MSH3: variants seen among roughly 807,000 people sequenced by gnomAD.
The protein encoded by MSH3 is mutS homolog 3.
In MSH3, 106 loss-of-function variants were observed where a neutral mutation model predicts 123.3. The observed-to-expected ratio is 0.86, with a 90% CI of 0.73 to 1.01. The LOEUF is 1.01. Among genes scored for constraint, MSH3 ranks in the 50% least tolerant of loss-of-function variants. The pLI is 0.00. For synonymous variants in MSH3, 515 were observed against 481.4 expected (o/e 1.07, Z -0.91); for missense variants, 1,459 against 1,347.6 (o/e 1.08, Z -1.29).
intron 22 of MSH3, among the ~76,000 whole-genome samples, chr5:80,870,044 C>T (rs2112124974): frequency 6.6e-6 from 1 of 151,276 alleles, no homozygotes; most frequent in South Asian, 2.1e-4. Context: ...CATGGTGGTG[C>T]ATACCTGTAA....
chr5:80,672,085 G>T (rs1034200064), intron 4 of MSH3, among the ~76,000 whole-genome samples, 159 bp from the exon 5 acceptor site: 2 of 152,030 alleles, frequency 1.3e-5, no homozygotes, highest in African/African-American at 4.8e-5. Context: ...TTCTATACAG[G>T]GAACATTTTT....
At chr5:80,703,047 C>A (rs915866472) in intron 8 of MSH3, among the ~76,000 whole-genome samples, 2 of 152,128 alleles carry the variant, frequency 1.3e-5, no homozygotes, top group Non-Finnish European at 2.9e-5. Context: ...TAATGAAGTT[C>A]TTATTATGTA....
chr5:80,759,253 T>C (rs1743988724), intron 12 of MSH3, among the ~76,000 whole-genome samples: 1 of 152,278 alleles, frequency 6.6e-6, no homozygotes, highest in Non-Finnish European at 1.5e-5. Flanking sequence ...AATACAATTA[T>C]GATTACCATT....
intron 19 of MSH3, among the ~76,000 whole-genome samples, chr5:80,795,670 A>G (rs1230865312): frequency 6.6e-6 from 1 of 152,206 alleles, no homozygotes; most frequent in African/African-American, 2.4e-5. Context: ...CAATGTCTAT[A>G]AACTTGTTCA....
At chr5:80,849,350 T>C (rs939308331) in intron 20 of MSH3, among the ~76,000 whole-genome samples, 5 of 152,172 alleles carry the variant, frequency 3.3e-5, no homozygotes, top group African/African-American at 4.8e-5. Flanking sequence ...TGTGGCCTTC[T>C]TCTCACAGTT....
intron 20 of MSH3, among the ~76,000 whole-genome samples, chr5:80,849,958 A>T (rs1745801314): frequency 6.6e-6 from 1 of 152,108 alleles, no homozygotes. Context: ...TCCATTATAA[A>T]ACTGAGTGCC....
chr5:80,689,996 C>T (rs550210053), intron 8 of MSH3, among the ~76,000 whole-genome samples: 4 of 152,088 alleles, frequency 2.6e-5, no homozygotes, highest in Non-Finnish European at 5.9e-5. Context: ...AAGAGATCCT[C>T]TCACTTCAGC....
intron 12 of MSH3, 99 bp downstream of exon 12, chr5:80,744,714 G>C (rs1046306410): frequency 4.8e-6 from 4 of 837,416 alleles, no homozygotes; most frequent in Non-Finnish European, 6.0e-6. Context: ...TAAGAACACA[G>C]TTTTAAATTG....
At chr5:80,784,124 C>T (rs370272376) in intron 17 of MSH3, among the ~76,000 whole-genome samples, 3 of 143,136 alleles carry the variant, frequency 2.1e-5, no homozygotes, top group African/African-American at 5.1e-5. Context: ...GCAGGAGAAT[C>T]GCTGGAATCT....
intron 22 of MSH3, among the ~76,000 whole-genome samples, chr5:80,869,841 T>TACATATATACATATATATACACAC (rs1554077179): frequency 3.0e-5 from 4 of 132,522 alleles, no homozygotes; most frequent in South Asian, 2.4e-4. Flanking sequence ...TACATATATA[T>TACATATATACATATATATACACAC]ACACACACAC....
intron 8 of MSH3, among the ~76,000 whole-genome samples, chr5:80,704,278 A>G (rs1434118516): frequency 6.6e-6 from 1 of 152,172 alleles, no homozygotes; most frequent in African/African-American, 2.4e-5. Context: ...CCAAAGAATG[A>G]CTTTTTTGAA....
intron 19 of MSH3, among the ~76,000 whole-genome samples, chr5:80,811,795 AAAG>A (rs142341091): frequency 0.13 from 20,512 of 152,080 alleles, 1,419 homozygotes; most frequent in East Asian, 0.24. Flanking sequence ...AAGAGATTAA[AAAG>A]AGATTAAAGA....
chr5:80,757,183 A>T (rs1743941858), intron 12 of MSH3, among the ~76,000 whole-genome samples: 2 of 152,050 alleles, frequency 1.3e-5, no homozygotes, highest in African/African-American at 4.8e-5. Context: ...ATATCAGGGT[A>T]AATGGGGTAT....
chr5:80,847,081 A>G (rs1317761594), intron 20 of MSH3, among the ~76,000 whole-genome samples: 1 of 151,798 alleles, frequency 6.6e-6, no homozygotes, highest in East Asian at 1.9e-4. Context: ...TTTTTCTGAG[A>G]CAGATTCTCG....
intron 21 of MSH3, among the ~76,000 whole-genome samples, chr5:80,860,116 A>G (rs1334676227): frequency 6.6e-6 from 1 of 151,706 alleles, no homozygotes; most frequent in Non-Finnish European, 1.5e-5. Flanking sequence ...ATAAGCATAT[A>G]TATATATATA....
chr5:80,725,401 C>A (rs2112855326), intron 8 of MSH3, 52 bp from the exon 9 acceptor site: 1 of 1,213,962 alleles, frequency 8.2e-7, no homozygotes, highest in Non-Finnish European at 1.2e-6. Flanking sequence ...TAAATACCAG[C>A]ATTTCATGAT....
chr5:80,835,341 C>T (rs1745490303), intron 20 of MSH3, among the ~76,000 whole-genome samples: 1 of 152,100 alleles, frequency 6.6e-6, no homozygotes, highest in Non-Finnish European at 1.5e-5. Flanking sequence ...TCATCAGAGG[C>T]ATCTACAAAT....
At chr5:80,859,541 G>A (rs1232485245) in intron 21 of MSH3, among the ~76,000 whole-genome samples, 1 of 152,078 alleles carries the variant, frequency 6.6e-6, no homozygotes, top group Non-Finnish European at 1.5e-5. Context: ...TTTAACTGGT[G>A]CATTTAGATC....
rs192001853 is a variant in MSH3, at chr5:80,752,247, G to T, written c.1763+7632G>T. Among the ~76,000 whole-genome samples the T allele has an allele frequency of 7.2e-5, 11 of 152,066 alleles. No homozygotes were observed. The East Asian group carries it at 2.1e-3, about 29-fold the overall frequency. On this transcript the variant is annotated intron_variant, in intron 12 of 23. Transcript: ENST00000265081. Reference sequence around the variant, plus strand: ...CAAGGTGGAATGGGAGAAGAGCTGAGGTCTAAGAGGTAAGGTGTGTTACTC... The same window carrying T: ...CAAGGTGGAATGGGAGAAGAGCTGATGTCTAAGAGGTAAGGTGTGTTACTC...
Sources: allele counts gnomAD v4.1 joint callset (sites outside exome capture counted in the v4.1 genomes callset), GRCh38; gene constraint gnomAD v4.1.1; transcripts MANE v1.5; gene names NCBI Gene and HGNC (gene_info 2026-07-23, HGNC 2026-07-21).